Variants in KLHL32 observed in about 807,000 individuals in gnomAD.
KLHL32 encodes kelch like family member 32, also known as kelch-like protein 32.
A neutral mutation model predicts 64.8 loss-of-function variants in KLHL32; 35 were observed. That is an observed-to-expected ratio of 0.54 (90% confidence interval 0.41 to 0.72). The LOEUF (loss-of-function observed/expected upper bound fraction) is 0.72. Ranked by LOEUF, KLHL32 falls within the 30% of genes least tolerant of loss-of-function variation. KLHL32 has a pLI of 0.00. For missense variants in KLHL32, 589 were observed against 768.5 expected (o/e 0.77, Z 2.76); for synonymous variants, 259 against 281.0 (o/e 0.92, Z 0.78).
Position 97,085,347 on chromosome 6 carries a change from G to A in KLHL32, c.627+6G>A. ...GTGAAGAGCAGATCTGGCAGGTAAG[G>A]GCGCTGTGCACGGTCGCTTTTGGCA... is the stretch of plus-strand genomic sequence containing the variant. On this transcript the variant is annotated splice_donor_region_variant and intron_variant, in intron 6 of 10. Coordinates refer to ENST00000369261, the MANE Select transcript of KLHL32 (RefSeq NM_052904.4). The A allele has an allele frequency of 6.2e-7, 1 of 1,611,938 alleles. No homozygotes were observed. Among genetic ancestry groups the A allele is most frequent in the African/African-American group, 1.3e-5 (1 of 74,962 alleles).
At chr6:97,099,568 C>T (rs1431678944) in intron 6 of KLHL32, among the ~76,000 whole-genome samples, 1 of 152,204 alleles carries the variant, frequency 6.6e-6, no homozygotes, top group Non-Finnish European at 1.5e-5. Flanking sequence ...CCTTCCTCCT[C>T]CACAGTCCTC....
rs148323902 is a variant in KLHL32, at chr6:97,107,022, G to A, written c.628-6761G>A. Among the ~76,000 whole-genome samples, 47 of 152,244 alleles carry A rather than the reference G, an allele frequency of 3.1e-4. 2 individuals carry two copies. Among genetic ancestry groups the A allele is most frequent in the Admixed American group, 2.8e-3 (43 of 15,286 alleles). ...GAAGTTATTTTTTGGGCTGAGCGCG[G>A]TGGCTCACACCTGTAATCCCAGCAC... On this transcript the variant is annotated intron_variant, in intron 6 of 10. Transcript: ENST00000369261.
chr6:97,130,876 C>T lies in KLHL32; in HGVS notation c.1533C>T (p.Ile511=). 6.2e-7 allele frequency: 1 copy of T among 1,614,078 alleles called. No individual in the cohort carries two copies. Among genetic ancestry groups the T allele is most frequent in the Non-Finnish European group, 8.5e-7 (1 of 1,179,974 alleles). ...ACCTAGACTACAATAATGACCGGAT[C>T]CTTGTGCGCCATATAGATTCTTACA... The part of the protein sequence containing the change: ...GNDLDYNNDR[I]LVRHIDSYNI... Residue 511 remains isoleucine, a synonymous_variant, in exon 9 of 11, where the codon ATC becomes ATT. Transcript: ENST00000369261.
intron 6 of KLHL32, among the ~76,000 whole-genome samples, chr6:97,110,222 A>G (rs993423712): frequency 9.9e-5 from 15 of 152,164 alleles, no homozygotes; most frequent in African/African-American, 3.6e-4. Context: ...CCATACATAG[A>G]TAATTTTTTG....
At chr6:97,050,809 C>T (rs1240950177) in intron 4 of KLHL32, among the ~76,000 whole-genome samples, 2 of 152,054 alleles carry the variant, frequency 1.3e-5, no homozygotes, top group Non-Finnish European at 1.5e-5. Context: ...TTGAGACCAG[C>T]CTGGCCAACA....
At chr6:97,047,775 C>A (rs1376617399) in intron 4 of KLHL32, among the ~76,000 whole-genome samples, 1 of 151,980 alleles carries the variant, frequency 6.6e-6, no homozygotes, top group Non-Finnish European at 1.5e-5. Flanking sequence ...TTTAGAAAAT[C>A]AAAAAGCAAA....
intron 1 of KLHL32, among the ~76,000 whole-genome samples, chr6:96,934,110 A>G (rs1323277416): frequency 1.3e-5 from 2 of 152,210 alleles, no homozygotes; most frequent in Non-Finnish European, 2.9e-5. Flanking sequence ...TTGACTGGGC[A>G]TTGTAGGACC....
At chr6:97,111,879 C>T (rs1236628900) in intron 6 of KLHL32, among the ~76,000 whole-genome samples, 1 of 152,240 alleles carries the variant, frequency 6.6e-6, no homozygotes, top group East Asian at 1.9e-4. Flanking sequence ...CTGTTGGACT[C>T]CTCTCTGAAG....
the KLHL32 span, among the ~76,000 whole-genome samples, chr6:96,899,694 C>T: frequency 1.3e-5 from 2 of 152,266 alleles, no homozygotes; most frequent in African/African-American, 4.8e-5. Context: ...TGGCTGTCAC[C>T]CTTTGGGAAT....
intron 4 of KLHL32, among the ~76,000 whole-genome samples, chr6:97,062,933 G>A (rs973234804): frequency 3.3e-5 from 5 of 152,210 alleles, no homozygotes; most frequent in African/African-American, 9.6e-5. Flanking sequence ...GTTATCTGAA[G>A]TATATGAGGG....
chr6:97,032,931 CTT>C lies in KLHL32; in HGVS notation c.205-8548_205-8547del, dbSNP rs55941007. Among the ~76,000 whole-genome samples the C allele has an allele frequency of 6.0e-3, 852 of 142,716 alleles. 7 individuals are homozygous for C. Among genetic ancestry groups the C allele is most frequent in the African/African-American group, 0.02 (787 of 39,262 alleles). The allele number at this position is 142,716 out of a possible 152,430, so 93.6% of individuals were successfully genotyped here. On this transcript the variant is annotated intron_variant, in intron 3 of 10. Transcript: ENST00000369261. ...AACTCTAAAGGCAATTTCCTGTTAG[CTT>C]TTTTTTTTTTTTATCTATAGCCACA...
intron 3 of KLHL32, among the ~76,000 whole-genome samples, chr6:96,978,515 A>T (rs1425954122): frequency 1.3e-5 from 2 of 152,148 alleles, no homozygotes; most frequent in Non-Finnish European, 2.9e-5. Context: ...CAATATATAC[A>T]TACCACATTT....
intron 3 of KLHL32, among the ~76,000 whole-genome samples, chr6:96,985,915 A>G (rs1776992713): frequency 6.6e-6 from 1 of 152,086 alleles, no homozygotes; most frequent in African/African-American, 2.4e-5. Flanking sequence ...ATTGCTGGTG[A>G]GGAGCTGTGT....
intron 5 of KLHL32, among the ~76,000 whole-genome samples, chr6:97,081,532 T>A (rs998885785): frequency 2.6e-5 from 4 of 152,292 alleles, no homozygotes; most frequent in African/African-American, 7.2e-5. Context: ...ATGTTGTTAA[T>A]ATACATCCCC....
chr6:97,114,493 T>C lies in KLHL32; in HGVS notation c.1338T>C (p.Gly446=). The C allele has an allele frequency of 6.2e-7, 1 of 1,613,870 alleles. No individual in the cohort carries two copies. The highest frequency in any genetic ancestry group is 1.3e-5 in the African/African-American group (1 of 75,044). ...GCCATGCTGGATATGTGGCTGATGG[T>C]CTTCTTTGGATATCAGGTAGAACAT... ...LSCHAGYVAD[G]LLWISGGVTN... The change falls in exon 7 of 11, where the codon GGT becomes GGC. Residue 446 remains glycine (G), a synonymous_variant. Coordinates refer to ENST00000369261, the MANE Select transcript of KLHL32 (RefSeq NM_052904.4).
At chr6:96,962,739 C>T (rs1306633158) in intron 1 of KLHL32, among the ~76,000 whole-genome samples, 1 of 152,188 alleles carries the variant, frequency 6.6e-6, no homozygotes, top group African/African-American at 2.4e-5. Context: ...ATACACTATA[C>T]AGCCCCCTGT....
At chr6:97,012,690 T>C (rs1353518954) in intron 3 of KLHL32, among the ~76,000 whole-genome samples, 2 of 152,244 alleles carry the variant, frequency 1.3e-5, no homozygotes, top group African/African-American at 4.8e-5. Context: ...CTATCATTTC[T>C]GTAATCCTGG....
the KLHL32 span, among the ~76,000 whole-genome samples, chr6:96,919,480 T>C: frequency 6.6e-6 from 1 of 152,296 alleles, no homozygotes; most frequent in African/African-American, 2.4e-5. Flanking sequence ...TGTGTTTCAT[T>C]TGTTTGTTTT....
intron 1 of KLHL32, among the ~76,000 whole-genome samples, chr6:96,932,867 T>A (rs1459095278): frequency 6.6e-6 from 1 of 152,120 alleles, no homozygotes; most frequent in Non-Finnish European, 1.5e-5. Flanking sequence ...CACTGTACCT[T>A]ACCAAGTTGC....
Sources: gnomAD v4.1 joint callset for allele counts (sites outside exome capture counted in the v4.1 genomes callset) on GRCh38, gnomAD v4.1.1 for gene constraint, MANE v1.5 for transcripts, NCBI Gene and HGNC (gene_info 2026-07-23, HGNC 2026-07-21) for gene names.